CASTOR2: variants seen among roughly 807,000 people sequenced by gnomAD.
CASTOR2 encodes cytosolic arginine sensor for mTORC1 subunit 2, also known as GATS protein like 2.
A neutral mutation model predicts 31.2 loss-of-function variants in CASTOR2; 8 were observed. That is an observed-to-expected ratio of 0.26 (90% CI 0.15 to 0.46). CASTOR2 has a LOEUF of 0.46. CASTOR2 is among the 20% of genes least tolerant of loss of function. The pLI is 0.99. For synonymous variants in CASTOR2, 162 were observed against 158.7 expected (o/e 1.02, Z -0.16); for missense variants, 216 against 382.1 (o/e 0.57, Z 3.62).
intron 5 of CASTOR2, 91 bp downstream of exon 5, chr7:75,019,186 G>T: frequency 6.5e-7 from 1 of 1,546,226 alleles, no homozygotes; most frequent in South Asian, 1.2e-5. Context: ...GGGAGGCTTT[G>T]CTAGGAGCTC....
At chr7:75,007,470 TC>T (rs1241984900) in intron 1 of CASTOR2, among the ~76,000 whole-genome samples, 61 of 152,214 alleles carry the variant, frequency 4.0e-4, no homozygotes, top group Admixed American at 9.8e-4. Flanking sequence ...TGCATTCCTC[TC>T]TCTTTAGGGA....
chr7:74,995,797 G>T (rs1430345208), intron 1 of CASTOR2, among the ~76,000 whole-genome samples: 1 of 150,786 alleles, frequency 6.6e-6, no homozygotes, highest in Non-Finnish European at 1.5e-5. Flanking sequence ...AACAGAGCGA[G>T]ACTCCATCTC....
In CASTOR2 at chr7:75,027,819, T is replaced by C. The variant is rs1314933974; in HGVS notation, c.*3120T>C. On this transcript the variant is annotated 3_prime_UTR_variant, in exon 9 of 9. Transcript: ENST00000616305. ...TTCTGTGTGTAGCGTAGTCTTGGTTTGGTCTCCACAGCTCTTCGGGGTGGG... is the reference window on the plus strand; with the variant it reads ...TTCTGTGTGTAGCGTAGTCTTGGTTCGGTCTCCACAGCTCTTCGGGGTGGG... 2.2e-5 allele frequency: 14 copies of C among 623,080 alleles called. No individual in the cohort carries two copies. Among genetic ancestry groups the C allele is most frequent in the Middle Eastern group, 8.6e-4 (2 of 2,326 alleles). 38.6% of individuals were successfully genotyped at this position (623,080 alleles called of 1,614,324 possible).
chr7:75,026,680 A>G lies in CASTOR2; in HGVS notation c.*1981A>G, dbSNP rs1805143428. Among the ~76,000 whole-genome samples, 2 of 151,798 alleles carry G rather than the reference A, an allele frequency of 1.3e-5. 1 individual carries two copies. The highest frequency in any genetic ancestry group is 4.1e-4 in the South Asian group (2 of 4,824). On this transcript the variant is annotated 3_prime_UTR_variant, in exon 9 of 9. Coordinates refer to ENST00000616305, the MANE Select transcript of CASTOR2 (RefSeq NM_001145064.3). ...AACCAACTTTTTTTTTTTTAAGTTA[A>G]TTTGTTTTGCACAAAACTCCAGAAC... is the stretch of plus-strand genomic sequence containing the variant.
chr7:75,002,343 G>A (rs1403469438), intron 1 of CASTOR2, among the ~76,000 whole-genome samples: 3 of 152,074 alleles, frequency 2.0e-5, no homozygotes, highest in African/African-American at 7.2e-5. Context: ...TTTAGGCTGG[G>A]CGAGGTGGGT....
intron 7 of CASTOR2, among the ~76,000 whole-genome samples, chr7:75,023,822 T>G (rs2131958971): frequency 6.6e-6 from 1 of 152,288 alleles, no homozygotes; most frequent in South Asian, 2.1e-4. Context: ...GCTAAACCAT[T>G]CATGAGGAAT....
intron 1 of CASTOR2, among the ~76,000 whole-genome samples, chr7:74,995,055 G>A (rs1400463278): frequency 6.6e-6 from 1 of 152,096 alleles, no homozygotes; most frequent in East Asian, 1.9e-4. Flanking sequence ...TCAAGGGCAG[G>A]GAGGCATGAG....
intron 1 of CASTOR2, among the ~76,000 whole-genome samples, chr7:75,004,122 C>T (rs1288682313): frequency 6.6e-6 from 1 of 152,178 alleles, no homozygotes; most frequent in Non-Finnish European, 1.5e-5. Context: ...AGCCCCGCCC[C>T]ACCCAGGGAG....
chr7:75,024,408 A>G (rs71558574), intron 7 of CASTOR2, 32 bp from the exon 8 acceptor site: 1,272,880 of 1,550,618 alleles, frequency 0.82, 523,480 homozygotes, highest in East Asian at 0.92. Context: ...GCCAGGTTAC[A>G]CAGAGGCTAA....
chr7:74,994,253 A>G (rs1311816254), intron 1 of CASTOR2, among the ~76,000 whole-genome samples: 2 of 151,896 alleles, frequency 1.3e-5, no homozygotes, highest in East Asian at 1.9e-4. Context: ...TGGTGGGGGG[A>G]ACAATGGATT....
At chr7:74,984,513 C>T (rs1433086928) in intron 1 of CASTOR2, among the ~76,000 whole-genome samples, 3 of 152,144 alleles carry the variant, frequency 2.0e-5, no homozygotes, top group Non-Finnish European at 2.9e-5. Context: ...TACAGAACAA[C>T]AGGCCAGCTG....
In CASTOR2 at chr7:75,026,189, G is replaced by GGTTTTTTTTTTTTTTTTTTTTT. The variant is rs1554440884; in HGVS notation, c.*1490_*1491insGTTTTTTTTTTTTTTTTTTTTT. Reference sequence around the variant, plus strand: ...CCCTGTGGTTTTGGCTCTGGCGGGGGTTTTTTTTTTTTTTTTTGAGATGGG... The same window carrying GGTTTTTTTTTTTTTTTTTTTTT: ...CCCTGTGGTTTTGGCTCTGGCGGGGGGTTTTTTTTTTTTTTTTTTTTTTTTTTTTTTTTTTTTTTGAGATGGG... On this transcript the variant is annotated 3_prime_UTR_variant, in exon 9 of 9. Coordinates refer to ENST00000616305, the MANE Select transcript of CASTOR2 (RefSeq NM_001145064.3). 1.7e-5 allele frequency among the ~76,000 whole-genome samples: 2 copies of GGTTTTTTTTTTTTTTTTTTTTT among 117,744 alleles called. No homozygotes were observed. The highest frequency in any genetic ancestry group is 3.2e-5 in the African/African-American group (1 of 30,772). The allele number at this position is 117,744 out of a possible 152,430, so 77.2% of individuals were successfully genotyped here.
At chr7:75,010,586 G>C (rs1804716689) in intron 2 of CASTOR2, among the ~76,000 whole-genome samples, 1 of 152,142 alleles carries the variant, frequency 6.6e-6, no homozygotes, top group African/African-American at 2.4e-5. Flanking sequence ...ATTCCCCAGA[G>C]CCTTGTGACT....
chr7:74,990,160 G>A (rs1472200600), intron 1 of CASTOR2, among the ~76,000 whole-genome samples: 4 of 151,944 alleles, frequency 2.6e-5, no homozygotes, highest in African/African-American at 7.2e-5. Flanking sequence ...AGGCCGAGGC[G>A]GGCAGATCAC....
chr7:75,006,668 G>T (rs2131943679), intron 1 of CASTOR2, among the ~76,000 whole-genome samples: 1 of 152,278 alleles, frequency 6.6e-6, no homozygotes, highest in African/African-American at 2.4e-5. Flanking sequence ...GGGGCAGGTG[G>T]AGATAATTGA....
At chr7:74,993,421 G>A (rs1804258887) in intron 1 of CASTOR2, among the ~76,000 whole-genome samples, 1 of 151,034 alleles carries the variant, frequency 6.6e-6, no homozygotes, top group South Asian at 2.1e-4. Context: ...ACATCTGGGT[G>A]GTTCCCTGAA....
Position 75,024,713 on chromosome 7 carries a change from G to T in CASTOR2, c.*14G>T. 1 of 1,551,584 alleles carries T rather than the reference G, an allele frequency of 6.4e-7. No individual in the cohort carries two copies. The stretch of plus-strand genomic sequence containing the variant: ...GAGAAGCACTAGAAGGGTCTCTTCT[G>T]CTCCTCCCTGCCGCCGCCCGGGCCC... On this transcript the variant is annotated 3_prime_UTR_variant, in exon 9 of 9. Transcript: ENST00000616305.
chr7:74,983,823 G>A (rs1414735050), intron 1 of CASTOR2, among the ~76,000 whole-genome samples: 4 of 150,890 alleles, frequency 2.7e-5, no homozygotes, highest in Non-Finnish European at 4.4e-5. Flanking sequence ...GGTCTCGCTC[G>A]GTCACCCAGG....
At chr7:74,996,996 A>G (rs1804368428) in intron 1 of CASTOR2, among the ~76,000 whole-genome samples, 2 of 149,242 alleles carry the variant, frequency 1.3e-5, no homozygotes, top group South Asian at 2.1e-4. Flanking sequence ...CGGCCTCCCA[A>G]AGTGCTGGGA....
Sources: allele counts gnomAD v4.1 joint callset (sites outside exome capture counted in the v4.1 genomes callset), GRCh38; gene constraint gnomAD v4.1.1; transcripts MANE v1.5; gene names NCBI Gene and HGNC (gene_info 2026-07-23, HGNC 2026-07-21).